The following SEMA5A variants were observed in gnomAD, a reference collection of about 807,000 sequenced individuals.
The protein encoded by SEMA5A is semaphorin 5A, also known as semaphorin-5A.
In SEMA5A, 55 loss-of-function variants were observed where a neutral mutation model predicts 135.5. The observed-to-expected ratio is 0.41, with a 90% confidence interval of 0.33 to 0.51. The LOEUF (loss-of-function observed/expected upper bound fraction) is 0.51. Ranked by LOEUF, SEMA5A falls within the 20% of genes least tolerant of loss-of-function variation. SEMA5A has a pLI of 0.37. For synonymous variants in SEMA5A, 580 were observed against 546.5 expected, an observed-to-expected ratio of 1.06 and a Z score of -0.85; for missense variants, 1,290 against 1,419.9, an observed-to-expected ratio of 0.91 and a Z score of 1.47.
chr5:9,160,096 G>A (rs1743169777), intron 11 of SEMA5A, among the ~76,000 whole-genome samples: 1 of 152,058 alleles, frequency 6.6e-6, no homozygotes, highest in Non-Finnish European at 1.5e-5. Flanking sequence ...CAGGTCAATA[G>A]GTGCAACAAA....
chr5:9,138,871 C>A (rs1741909688), intron 12 of SEMA5A, among the ~76,000 whole-genome samples: 1 of 152,184 alleles, frequency 6.6e-6, no homozygotes, highest in Admixed American at 6.5e-5. Flanking sequence ...CTTTTCTATT[C>A]CTGAGTTACT....
intron 3 of SEMA5A, among the ~76,000 whole-genome samples, chr5:9,359,877 C>T (rs529075495): frequency 7.7e-4 from 118 of 152,262 alleles, no homozygotes; most frequent in South Asian, 1.2e-3. Flanking sequence ...GGGAGAATGA[C>T]CTAGAATTCA....
intron 5 of SEMA5A, among the ~76,000 whole-genome samples, chr5:9,276,819 T>C (rs778466735): frequency 8.6e-5 from 13 of 151,898 alleles, no homozygotes; most frequent in Non-Finnish European, 1.8e-4. Flanking sequence ...ACCCAACATA[T>C]ATTAAACACT....
intron 1 of SEMA5A, among the ~76,000 whole-genome samples, chr5:9,540,848 C>T (rs868582402): frequency 2.0e-5 from 3 of 152,146 alleles, no homozygotes; most frequent in Middle Eastern, 3.4e-3. Context: ...GTCACATCTC[C>T]GGTTTTGTTT....
chr5:9,389,447 T>C (rs1430648270), intron 2 of SEMA5A, among the ~76,000 whole-genome samples: 1 of 152,202 alleles, frequency 6.6e-6, no homozygotes, highest in Non-Finnish European at 1.5e-5. Context: ...AAAGCAGGCC[T>C]CATTATCTGT....
chr5:9,283,144 C>T (rs1044296990), intron 5 of SEMA5A, among the ~76,000 whole-genome samples: 7 of 152,140 alleles, frequency 4.6e-5, no homozygotes, highest in Non-Finnish European at 8.8e-5. Context: ...GTTTTAGTTT[C>T]CTTTTGCTGT....
intron 8 of SEMA5A, among the ~76,000 whole-genome samples, chr5:9,208,155 CAGA>C (rs950759129): frequency 6.6e-6 from 1 of 152,174 alleles, no homozygotes; most frequent in Non-Finnish European, 1.5e-5. Flanking sequence ...CATCAAAATA[CAGA>C]CCTCTATTTA....
chr5:9,163,512 A>G (rs1032781489), intron 11 of SEMA5A, among the ~76,000 whole-genome samples: 35 of 152,206 alleles, frequency 2.3e-4, no homozygotes, highest in African/African-American at 7.5e-4. Context: ...TTGCATCTTC[A>G]GAGTACTGGC....
intron 15 of SEMA5A, among the ~76,000 whole-genome samples, chr5:9,112,055 A>G (rs915146454): frequency 2.6e-5 from 4 of 152,204 alleles, no homozygotes; most frequent in East Asian, 3.9e-4. Flanking sequence ...ATGAGCTACA[A>G]TGTTTTTCAA....
chr5:9,219,382 G>A (rs1416513971), intron 8 of SEMA5A, among the ~76,000 whole-genome samples: 2 of 152,162 alleles, frequency 1.3e-5, no homozygotes, highest in African/African-American at 4.8e-5. Context: ...TCAGATGAGA[G>A]GTGAAACATG....
intron 13 of SEMA5A, among the ~76,000 whole-genome samples, chr5:9,126,095 T>C (rs375019091): frequency 3.3e-5 from 5 of 152,194 alleles, no homozygotes; most frequent in African/African-American, 1.2e-4. Flanking sequence ...GACAGAATAT[T>C]TGCATCATAG....
rs1757637976 is a variant in SEMA5A at position 9,426,151 on chromosome 5, AT to A, written c.-78+11604del. Among the ~76,000 whole-genome samples, 5 of 152,282 alleles carry A rather than the reference AT, an allele frequency of 3.3e-5. No homozygotes were observed. The South Asian group carries it at 1.0e-3, about 32-fold the overall frequency. ...GGAAAATCCACATTATTAAATTTGT[AT>A]TGTGGCCGGGCGCAGTGGCTCACAC... On this transcript the variant is annotated intron_variant, in intron 2 of 22. Coordinates refer to ENST00000382496, the MANE Select transcript of SEMA5A (RefSeq NM_003966.3).
At chr5:9,148,786 C>T (rs1742476512) in intron 12 of SEMA5A, among the ~76,000 whole-genome samples, 1 of 151,544 alleles carries the variant, frequency 6.6e-6, no homozygotes, top group Admixed American at 6.6e-5. Flanking sequence ...GTGGTGTGAT[C>T]TCGGCTCACT....
chr5:9,401,445 C>CCA, intron 2 of SEMA5A, among the ~76,000 whole-genome samples: 1 of 152,220 alleles, frequency 6.6e-6, no homozygotes, highest in East Asian at 1.9e-4. Flanking sequence ...GCCATATGTG[C>CCA]CACCTCGTAA....
intron 3 of SEMA5A, 49 bp downstream of exon 3, chr5:9,379,774 A>G: frequency 6.3e-7 from 1 of 1,593,294 alleles, no homozygotes; most frequent in Non-Finnish European, 8.6e-7. Flanking sequence ...TAAACACAGA[A>G]TGTGCATTTA....
At chr5:9,135,264 T>C (rs1253892266) in intron 13 of SEMA5A, among the ~76,000 whole-genome samples, 1 of 148,496 alleles carries the variant, frequency 6.7e-6, no homozygotes, top group Admixed American at 6.9e-5. Context: ...CACTGCAAGC[T>C]CTGCCTCCCG....
intron 1 of SEMA5A, among the ~76,000 whole-genome samples, chr5:9,489,284 T>C (rs1252716415): frequency 6.6e-6 from 1 of 152,164 alleles, no homozygotes; most frequent in Non-Finnish European, 1.5e-5. Flanking sequence ...GCTCTCAGAA[T>C]GCTTACTAAA....
chr5:9,142,670 T>A (rs1742127334), intron 12 of SEMA5A, among the ~76,000 whole-genome samples: 1 of 152,144 alleles, frequency 6.6e-6, no homozygotes, highest in African/African-American at 2.4e-5. Flanking sequence ...AGAGCTGCAA[T>A]TAAAAACATT....
At chr5:9,120,079 T>C (rs1425010952) in intron 14 of SEMA5A, among the ~76,000 whole-genome samples, 2 of 149,052 alleles carry the variant, frequency 1.3e-5, no homozygotes, top group African/African-American at 2.5e-5. Context: ...AATACATAGG[T>C]TTTTTTTTAA....
Sources: allele counts gnomAD v4.1 joint callset (sites outside exome capture counted in the v4.1 genomes callset), GRCh38; gene constraint gnomAD v4.1.1; transcripts MANE v1.5; gene names NCBI Gene and HGNC (gene_info 2026-07-23, HGNC 2026-07-21).